PLGRKT: variants seen among roughly 807,000 people sequenced by gnomAD.
PLGRKT encodes plasminogen receptor (KT).
PLGRKT carries 22 observed loss-of-function variants against 18.5 expected under a neutral mutation model. The observed-to-expected ratio is 1.19, with a 90% confidence interval of 0.85 to 1.70. The LOEUF is 1.70. Ranked by LOEUF, PLGRKT falls within the 40% of genes most tolerant of loss-of-function variation. The pLI is 0.00. For synonymous variants in PLGRKT, 72 were observed against 52.8 expected (o/e 1.36, Z -1.58); for missense variants, 235 against 174.4 (o/e 1.35, Z -1.96).
At chr9:5,365,310 G>A (rs1253104228) in intron 3 of PLGRKT, among the ~76,000 whole-genome samples, 1 of 152,126 alleles carries the variant, frequency 6.6e-6, no homozygotes, top group African/African-American at 2.4e-5. Context: ...AATGTCCAAA[G>A]CTGGAACAAT....
At chr9:5,420,797 C>A (rs1216079686) in intron 3 of PLGRKT, among the ~76,000 whole-genome samples, 1 of 152,110 alleles carries the variant, frequency 6.6e-6, no homozygotes, top group Admixed American at 6.5e-5. Flanking sequence ...TTGCTTTCCT[C>A]AGAACATAGG....
intron 2 of PLGRKT, among the ~76,000 whole-genome samples, chr9:5,433,874 G>GCCA (rs1158606899): frequency 5.1e-5 from 7 of 136,390 alleles, no homozygotes; most frequent in East Asian, 4.7e-4. Context: ...TTGCCCGGCC[G>GCCA]CCCCGTCTGG....
chr9:5,383,183 G>A (rs138896455), intron 3 of PLGRKT, among the ~76,000 whole-genome samples: 4 of 152,308 alleles, frequency 2.6e-5, no homozygotes, highest in African/African-American at 9.6e-5. Context: ...AGGAACGCCT[G>A]GAGCCACTGG....
At chr9:5,380,752 A>G (rs1282646992) in intron 3 of PLGRKT, among the ~76,000 whole-genome samples, 1 of 152,222 alleles carries the variant, frequency 6.6e-6, no homozygotes, top group Non-Finnish European at 1.5e-5. Context: ...TGCCTAGAAG[A>G]GTGCCTTGCA....
chr9:5,410,166 C>A (rs1818334772), intron 3 of PLGRKT, among the ~76,000 whole-genome samples: 1 of 152,132 alleles, frequency 6.6e-6, no homozygotes, highest in South Asian at 2.1e-4. Context: ...TTAAGGTGAT[C>A]ATTTTCAAGT....
At chr9:5,391,845 G>A (rs1290698286) in intron 3 of PLGRKT, among the ~76,000 whole-genome samples, 2 of 151,898 alleles carry the variant, frequency 1.3e-5, no homozygotes, top group African/African-American at 4.9e-5. Context: ...AGGAATGTTG[G>A]CTGGGAAAGC....
At chr9:5,359,240 T>C (rs1394028557) in intron 5 of PLGRKT, among the ~76,000 whole-genome samples, 3 of 152,164 alleles carry the variant, frequency 2.0e-5, no homozygotes, top group East Asian at 1.9e-4. Flanking sequence ...GTATTTTTCA[T>C]AGAGACAGGA....
chr9:5,401,864 T>C (rs1818160764), intron 3 of PLGRKT, among the ~76,000 whole-genome samples: 1 of 152,106 alleles, frequency 6.6e-6, no homozygotes. Flanking sequence ...AATTCTATTG[T>C]GGAAGCAACT....
At chr9:5,365,312 T>C (rs1817361492) in intron 3 of PLGRKT, among the ~76,000 whole-genome samples, 1 of 152,156 alleles carries the variant, frequency 6.6e-6, no homozygotes, top group South Asian at 2.1e-4. Context: ...TGTCCAAAGC[T>C]GGAACAATTT....
intron 3 of PLGRKT, among the ~76,000 whole-genome samples, chr9:5,401,324 T>C (rs890630087): frequency 6.6e-6 from 1 of 151,984 alleles, no homozygotes; most frequent in Non-Finnish European, 1.5e-5. Flanking sequence ...AGGTTATGCT[T>C]TTCTAGAAAA....
chr9:5,411,398 AAG>A (rs1818363182), intron 3 of PLGRKT, among the ~76,000 whole-genome samples: 2 of 146,632 alleles, frequency 1.4e-5, no homozygotes, highest in Non-Finnish European at 3.0e-5. Context: ...AAAAAAAAAA[AAG>A]AAAAGAAAAG....
At chr9:5,417,819 T>C (rs926962208) in intron 3 of PLGRKT, among the ~76,000 whole-genome samples, 17 of 151,968 alleles carry the variant, frequency 1.1e-4, no homozygotes, top group African/African-American at 4.1e-4. Flanking sequence ...AAAAAACGAC[T>C]GTCCATTTTG....
intron 3 of PLGRKT, among the ~76,000 whole-genome samples, chr9:5,391,944 G>A (rs565228233): frequency 6.6e-6 from 1 of 151,862 alleles, no homozygotes; most frequent in African/African-American, 2.4e-5. Flanking sequence ...AACAATTCAA[G>A]GCTGATCTCC....
chr9:5,395,390 G>C (rs1056581933), intron 3 of PLGRKT, among the ~76,000 whole-genome samples: 2 of 151,956 alleles, frequency 1.3e-5, no homozygotes, highest in African/African-American at 2.4e-5. Context: ...AAGCAACTCA[G>C]TGAATTACTG....
In PLGRKT at chr9:5,421,895, G is replaced by C. The variant is rs574081477; in HGVS notation, c.81+10002C>G. Among the ~76,000 whole-genome samples the C allele has an allele frequency of 2.0e-5, 3 of 152,256 alleles. No homozygotes were observed. The South Asian group carries it at 6.2e-4, about 32-fold the overall frequency. ...GGATAACTTGAGCAAAAAGAATAAT[G>C]ACTACAACTGATTAAAGAGTTTATA... On this transcript the variant is annotated intron_variant, in intron 3 of 5. Coordinates refer to ENST00000223864, the MANE Select transcript of PLGRKT (RefSeq NM_018465.4).
intron 3 of PLGRKT, among the ~76,000 whole-genome samples, chr9:5,373,104 C>T (rs541466750): frequency 2.6e-5 from 4 of 152,264 alleles, no homozygotes; most frequent in Admixed American, 6.5e-5. Context: ...ATAATTAGTG[C>T]AAGAATTTAA....
At chr9:5,360,203 T>C (rs1817232017) in intron 5 of PLGRKT, among the ~76,000 whole-genome samples, 1 of 152,264 alleles carries the variant, frequency 6.6e-6, no homozygotes, top group Admixed American at 6.5e-5. Flanking sequence ...GAAGAATATT[T>C]CACCAACTTT....
At chr9:5,420,732 T>C (rs1055908314) in intron 3 of PLGRKT, among the ~76,000 whole-genome samples, 1 of 152,190 alleles carries the variant, frequency 6.6e-6, no homozygotes, top group Non-Finnish European at 1.5e-5. Context: ...CCACCTACTC[T>C]ACATTCTGGT....
At chr9:5,419,233 T>C (rs1230617399) in intron 3 of PLGRKT, among the ~76,000 whole-genome samples, 1 of 152,254 alleles carries the variant, frequency 6.6e-6, no homozygotes, top group Non-Finnish European at 1.5e-5. Flanking sequence ...CCATGGCTTC[T>C]GGAAACAGTG....
Sources: gnomAD v4.1 joint callset for allele counts (sites outside exome capture counted in the v4.1 genomes callset) on GRCh38, gnomAD v4.1.1 for gene constraint, MANE v1.5 for transcripts, NCBI Gene and HGNC (gene_info 2026-07-23, HGNC 2026-07-21) for gene names.